CRIM1: variants seen among roughly 807,000 people sequenced by gnomAD.
CRIM1 encodes the protein cysteine rich transmembrane BMP regulator 1, also known as cysteine-rich motor neuron 1 protein.
Under a neutral mutation model 116.4 loss-of-function variants are expected in CRIM1, and 32 were observed. The ratio of observed to expected loss-of-function variants is 0.27; its 90% CI spans 0.21 to 0.37. The LOEUF (loss-of-function observed/expected upper bound fraction) is 0.37, where lower values mean the gene tolerates loss of function less well. CRIM1 is among the 10% of genes least tolerant of loss of function. The pLI, the probability that CRIM1 is intolerant of heterozygous loss-of-function variation, is 1.00. For missense variants in CRIM1, 1,331 were observed against 1,354.8 expected (o/e 0.98, Z 0.28); for synonymous variants, 590 against 509.2 (o/e 1.16, Z -2.13).
intron 15 of CRIM1, among the ~76,000 whole-genome samples, chr2:36,546,369 G>A (rs848604): frequency 0.73 from 110,644 of 152,018 alleles, 40,943 homozygotes; most frequent in East Asian, 0.98. Flanking sequence ...TCACCTATGC[G>A]ATATAATTCA....
At chr2:36,537,016 C>T (rs1287135845) in intron 13 of CRIM1, among the ~76,000 whole-genome samples, 1 of 152,094 alleles carries the variant, frequency 6.6e-6, no homozygotes, top group Non-Finnish European at 1.5e-5. Context: ...AAAACAGGAA[C>T]TTCTTGAATC....
At chr2:36,368,271 G>A (rs1669725962) in intron 1 of CRIM1, among the ~76,000 whole-genome samples, 1 of 152,224 alleles carries the variant, frequency 6.6e-6, no homozygotes. Context: ...GGGACATGCT[G>A]CACACTGCGC....
chr2:36,387,346 AAGTAAG>A (rs1471381795), intron 1 of CRIM1, among the ~76,000 whole-genome samples: 1 of 152,198 alleles, frequency 6.6e-6, no homozygotes, highest in East Asian at 1.9e-4. Flanking sequence ...ATTAATTTTT[AAGTAAG>A]AGTATGTTTG....
rs982106391 is a variant in CRIM1, at chr2:36,462,336, T to G, written c.870-2198T>G. Among the ~76,000 whole-genome samples, 3 of 152,362 alleles carry G rather than the reference T, an allele frequency of 2.0e-5. No homozygotes were observed. In the East Asian group the frequency reaches 5.8e-4, roughly 29 times the overall value. On this transcript the variant is annotated intron_variant, in intron 4 of 16. Transcript: ENST00000280527. Reference sequence around the variant, plus strand: ...ATATATGTCTATAAGAAACTTGCACTTGTACTCCCTAAATGTATTTTTTAA... The same window carrying G: ...ATATATGTCTATAAGAAACTTGCACGTGTACTCCCTAAATGTATTTTTTAA...
intron 2 of CRIM1, among the ~76,000 whole-genome samples, chr2:36,434,687 A>G (rs532835484): frequency 2.0e-5 from 3 of 152,238 alleles, no homozygotes; most frequent in African/African-American, 4.8e-5. Flanking sequence ...TTAATGCTTA[A>G]TAAGAAGCAT....
At chr2:36,417,696 A>G (rs909918084) in intron 2 of CRIM1, among the ~76,000 whole-genome samples, 1 of 152,220 alleles carries the variant, frequency 6.6e-6, no homozygotes, top group African/African-American at 2.4e-5. Context: ...GTTTAAATGC[A>G]GTGAGCATTT....
intron 7 of CRIM1, among the ~76,000 whole-genome samples, chr2:36,488,926 C>G (rs1680032139): frequency 6.6e-6 from 1 of 152,158 alleles, no homozygotes; most frequent in Non-Finnish European, 1.5e-5. Flanking sequence ...CCGGAGCAAA[C>G]CGAGAGTTGA....
intron 1 of CRIM1, among the ~76,000 whole-genome samples, chr2:36,394,223 A>G (rs908991880): frequency 6.6e-6 from 1 of 152,226 alleles, no homozygotes; most frequent in African/African-American, 2.4e-5. Context: ...ACAAATATAC[A>G]TGGCTTCCAG....
At chr2:36,444,892 G>A (rs1676123765) in intron 4 of CRIM1, among the ~76,000 whole-genome samples, 1 of 152,152 alleles carries the variant, frequency 6.6e-6, no homozygotes, top group Non-Finnish European at 1.5e-5. Flanking sequence ...TTGAAGTGTT[G>A]TCACTCTTCG....
intron 7 of CRIM1, among the ~76,000 whole-genome samples, chr2:36,487,181 C>A (rs1397448595): frequency 2.0e-5 from 3 of 152,170 alleles, no homozygotes; most frequent in African/African-American, 7.2e-5. Flanking sequence ...TCTTCATCTC[C>A]TACTGTTTGC....
chr2:36,469,900 T>C (rs1678356657), intron 5 of CRIM1, among the ~76,000 whole-genome samples: 1 of 152,198 alleles, frequency 6.6e-6, no homozygotes. Context: ...CTTCCCCTTT[T>C]CCTGAAATAG....
chr2:36,359,159 C>A (rs1669053824), intron 1 of CRIM1, among the ~76,000 whole-genome samples: 1 of 152,060 alleles, frequency 6.6e-6, no homozygotes, highest in Non-Finnish European at 1.5e-5. Flanking sequence ...GAATAGGAAT[C>A]AATATATTTT....
intron 7 of CRIM1, among the ~76,000 whole-genome samples, chr2:36,493,749 A>T (rs1680394034): frequency 6.6e-6 from 1 of 152,250 alleles, no homozygotes; most frequent in African/African-American, 2.4e-5. Context: ...AGTTCAGTGG[A>T]GTAATACAGA....
chr2:36,512,059 G>A (rs972504927), intron 9 of CRIM1, among the ~76,000 whole-genome samples: 2 of 152,212 alleles, frequency 1.3e-5, no homozygotes, highest in East Asian at 1.9e-4. Context: ...CTAGAAGCAC[G>A]TAAGTGCTTG....
Position 36,396,752 on chromosome 2 carries a change from A to G in CRIM1, c.470A>G (p.Gln157Arg), listed in dbSNP as rs1672058666. ...AGCAATCCCTTTGAGTTTCCAAGTC[A>G]GGATATGTGCCTTTCAGCTTTAAAG... The part of the protein sequence containing the change: ...TCSNPFEFPS[Q>R]DMCLSALKRI... The change falls in exon 2 of 17, where the codon CAG (glutamine) becomes CGG (arginine). Residue 157 changes from glutamine to arginine, a missense_variant. Transcript: ENST00000280527. The G allele has an allele frequency of 1.2e-6, 2 of 1,613,562 alleles. No individual in the cohort carries two copies. The highest frequency in any genetic ancestry group is 2.7e-5 in the African/African-American group (2 of 75,058).
Position 36,512,361 on chromosome 2 carries a change from G to T in CRIM1, c.1747G>T (p.Asp583Tyr), listed in dbSNP as rs763239896. The change falls in exon 10 of 17, where the codon GAC becomes TAC. Residue 583 changes from aspartate to tyrosine, a missense_variant. Transcript: ENST00000280527. The part of the protein sequence containing the change: ...SKICPLGFQQ[D>Y]SHGCLICKCR... ...GATCTGCCCCTTGGGTTTCCAGCAG[G>T]ACAGTCACGGCTGTCTTATCTGCAA... The T allele has an allele frequency of 1.2e-6, 2 of 1,613,586 alleles. No individual in the cohort carries two copies. Among genetic ancestry groups the T allele is most frequent in the African/African-American group, 2.7e-5 (2 of 74,934 alleles).
At chr2:36,492,554 C>G (rs1680301163) in intron 7 of CRIM1, among the ~76,000 whole-genome samples, 1 of 151,970 alleles carries the variant, frequency 6.6e-6, no homozygotes, top group Non-Finnish European at 1.5e-5. Context: ...ACTGTACTTT[C>G]CTTCCCAAGA....
chr2:36,429,794 G>A (rs935749109), intron 2 of CRIM1, among the ~76,000 whole-genome samples: 13 of 152,296 alleles, frequency 8.5e-5, no homozygotes, highest in Non-Finnish European at 1.8e-4. Context: ...TTGGCAATCT[G>A]TGCTTAAAAA....
chr2:36,548,457 TTC>T, intron 16 of CRIM1, 66 bp from the exon 17 acceptor site: 1 of 1,217,918 alleles, frequency 8.2e-7, no homozygotes, highest in South Asian at 1.6e-5. Flanking sequence ...GGTACTAAAT[TTC>T]TGTTCATTTG....
Sources: gnomAD v4.1 joint callset for allele counts (sites outside exome capture counted in the v4.1 genomes callset) on GRCh38, gnomAD v4.1.1 for gene constraint, MANE v1.5 for transcripts, NCBI Gene and HGNC (gene_info 2026-07-23, HGNC 2026-07-21) for gene names.